GALNT17: variants seen among roughly 807,000 people sequenced by gnomAD.
The protein encoded by GALNT17 is polypeptide N-acetylgalactosaminyltransferase 17.
A neutral mutation model predicts 63.7 loss-of-function variants in GALNT17; 29 were observed. The ratio of observed to expected loss-of-function variants is 0.46; its 90% CI spans 0.34 to 0.62. GALNT17 has a LOEUF of 0.62. Ranked by LOEUF, GALNT17 falls within the 20% of genes least tolerant of loss-of-function variation. The probability of loss-of-function intolerance (pLI) is 0.01; values close to 1 mark genes in which losing one functional copy is unlikely to be tolerated. For missense variants in GALNT17, 603 were observed against 799.6 expected (o/e 0.75, Z 2.97); for synonymous variants, 305 against 318.3 (o/e 0.96, Z 0.45).
At chr7:71,237,925 C>G (rs1047894192) in intron 1 of GALNT17, among the ~76,000 whole-genome samples, 2 of 152,178 alleles carry the variant, frequency 1.3e-5, no homozygotes, top group African/African-American at 4.8e-5. Flanking sequence ...GCACCCGTTT[C>G]TATCCTTGCT....
intron 5 of GALNT17, among the ~76,000 whole-genome samples, chr7:71,530,537 AATTTATTTATTTATTTATTTATTT>A (rs59298142): frequency 9.0e-4 from 127 of 140,368 alleles, no homozygotes; most frequent in African/African-American, 2.8e-3. Context: ...GAGGTACAAG[AATTTATTTATTTATTTATTTATTT>A]ATTTATTTAT....
In GALNT17 at chr7:71,516,431, A is replaced by C. The variant is rs542408588; in HGVS notation, c.963-54854A>C. Among the ~76,000 whole-genome samples the C allele has an allele frequency of 2.3e-3, 344 of 152,282 alleles. 2 individuals are homozygous for C. The highest frequency in any genetic ancestry group is 7.5e-3 in the African/African-American group (312 of 41,548). On this transcript the variant is annotated intron_variant, in intron 5 of 10. Coordinates refer to ENST00000333538, the MANE Select transcript of GALNT17 (RefSeq NM_022479.3). ...CTTGGTACGTGATGATGGGATCAGC[A>C]GTAGAACCCCTTAATTCCAGAACTG... is the stretch of plus-strand genomic sequence containing the variant.
At position 71,185,064 on chromosome 7, in the gene GALNT17, T is replaced by C. The variant is rs1268712980; in HGVS notation, c.238+52024T>C. 1.9e-4 allele frequency among the ~76,000 whole-genome samples: 26 copies of C among 136,386 alleles called. 1 individual carries two copies. Among genetic ancestry groups the C allele is most frequent in the Admixed American group, 1.8e-3 (25 of 13,672 alleles). 89.5% of individuals were successfully genotyped at this position (136,386 alleles called of 152,430 possible). ...TTCCTCCCCCTCCTCCTCCTCCTTC[T>C]GCTTCTTTTTCTCCTCCTCCTTCCT... On this transcript the variant is annotated intron_variant, in intron 1 of 10. Transcript: ENST00000333538.
At chr7:71,435,185 G>A (rs948917479) in intron 5 of GALNT17, among the ~76,000 whole-genome samples, 2 of 152,128 alleles carry the variant, frequency 1.3e-5, no homozygotes, top group Non-Finnish European at 2.9e-5. Context: ...AAAATTAGAT[G>A]GATGTGGTGG....
chr7:71,426,225 A>G (rs1451051023), intron 5 of GALNT17, among the ~76,000 whole-genome samples: 1 of 152,160 alleles, frequency 6.6e-6, no homozygotes, highest in Non-Finnish European at 1.5e-5. Context: ...GTGTCACTCA[A>G]AGCCACAGGA....
chr7:71,696,401 C>G (rs1791546816), intron 9 of GALNT17, among the ~76,000 whole-genome samples: 3 of 152,192 alleles, frequency 2.0e-5, no homozygotes, highest in South Asian at 4.1e-4. Flanking sequence ...GTGTGAGCCC[C>G]TGTGCCCAGC....
intron 5 of GALNT17, among the ~76,000 whole-genome samples, chr7:71,546,216 A>G (rs1356027322): frequency 6.7e-6 from 1 of 150,146 alleles, no homozygotes; most frequent in African/African-American, 2.4e-5. Context: ...GCTGAAGTGC[A>G]ATGGCACAAT....
At chr7:71,199,522 TCATCCATCCATC>T (rs34691979) in intron 1 of GALNT17, among the ~76,000 whole-genome samples, 4,903 of 142,740 alleles carry the variant, frequency 0.034, 102 homozygotes, top group Middle Eastern at 0.082. Flanking sequence ...CCCCATCCAT[TCATCCATCCATC>T]CATCCATCCA....
At chr7:71,145,558 A>G (rs1788001171) in intron 1 of GALNT17, among the ~76,000 whole-genome samples, 1 of 152,216 alleles carries the variant, frequency 6.6e-6, no homozygotes, top group Non-Finnish European at 1.5e-5. Flanking sequence ...TTCTAGGACA[A>G]TTGGTAGCAA....
chr7:71,499,808 A>AT (rs1395864000), intron 5 of GALNT17, among the ~76,000 whole-genome samples: 4 of 152,162 alleles, frequency 2.6e-5, no homozygotes, highest in Non-Finnish European at 4.4e-5. Context: ...CTCATCTTAA[A>AT]TTGTAGTTCC....
At chr7:71,181,462 A>G (rs1362887027) in intron 1 of GALNT17, among the ~76,000 whole-genome samples, 1 of 152,132 alleles carries the variant, frequency 6.6e-6, no homozygotes, top group East Asian at 1.9e-4. Context: ...ATCCTGATAC[A>G]TAGTAGTTTG....
chr7:71,137,122 TG>T (rs1787798497), intron 1 of GALNT17, among the ~76,000 whole-genome samples: 1 of 135,404 alleles, frequency 7.4e-6, no homozygotes. Flanking sequence ...TTTTAAGGGC[TG>T]GAATCATATT....
intron 5 of GALNT17, among the ~76,000 whole-genome samples, chr7:71,542,536 A>C (rs1229814992): frequency 6.6e-6 from 1 of 151,874 alleles, no homozygotes; most frequent in Non-Finnish European, 1.5e-5. Flanking sequence ...CTCTACTAAA[A>C]ATACAAAAAA....
At chr7:71,355,608 C>G (rs1404479024) in intron 2 of GALNT17, among the ~76,000 whole-genome samples, 1 of 152,062 alleles carries the variant, frequency 6.6e-6, no homozygotes, top group African/African-American at 2.4e-5. Context: ...TCTCGGCCCA[C>G]TGCAACCTCT....
At chr7:71,560,409 A>G (rs186585447) in intron 5 of GALNT17, among the ~76,000 whole-genome samples, 56 of 152,192 alleles carry the variant, frequency 3.7e-4, no homozygotes, top group African/African-American at 9.6e-4. Context: ...GCAACTCCCC[A>G]TGAGAACACA....
At chr7:71,245,192 C>A (rs185536666) in intron 1 of GALNT17, among the ~76,000 whole-genome samples, 3 of 152,184 alleles carry the variant, frequency 2.0e-5, no homozygotes, top group Admixed American at 2.0e-4. Context: ...CTTGGTGGAG[C>A]CTTTGTCATT....
chr7:71,223,103 A>C (rs1789616984), intron 1 of GALNT17, among the ~76,000 whole-genome samples: 1 of 152,194 alleles, frequency 6.6e-6, no homozygotes, highest in Non-Finnish European at 1.5e-5. Flanking sequence ...AGTTTCTTTC[A>C]GGTTTTTCCT....
rs111931596 is a variant in GALNT17 at position 71,504,599 on chromosome 7, T to A, written c.963-66686T>A. Reference sequence around the variant, plus strand: ...ATTTTGCAGTTTATTTACATTTTTTTACCTAGTTTACTTATTTACATATTT... The same window carrying A: ...ATTTTGCAGTTTATTTACATTTTTTAACCTAGTTTACTTATTTACATATTT... On this transcript the variant is annotated intron_variant, in intron 5 of 10. Transcript: ENST00000333538. Among the ~76,000 whole-genome samples the A allele has an allele frequency of 4.9e-3, 746 of 152,352 alleles. 4 individuals are homozygous for A. Among genetic ancestry groups the A allele is most frequent in the Non-Finnish European group, 8.0e-3 (546 of 68,036 alleles).
chr7:71,296,780 T>C (rs1791088816), intron 1 of GALNT17, among the ~76,000 whole-genome samples: 2 of 152,056 alleles, frequency 1.3e-5, no homozygotes, highest in Admixed American at 6.5e-5. Flanking sequence ...AAGTATGATA[T>C]TTAATATAGC....
Sources: allele counts gnomAD v4.1 joint callset (sites outside exome capture counted in the v4.1 genomes callset), GRCh38; gene constraint gnomAD v4.1.1; transcripts MANE v1.5; gene names NCBI Gene and HGNC (gene_info 2026-07-23, HGNC 2026-07-21).